The following NLGN1 variants were observed in gnomAD, a reference collection of about 807,000 sequenced individuals.
NLGN1 encodes neuroligin-1.
NLGN1 carries 12 observed loss-of-function variants against 65.5 expected under a neutral mutation model. The observed-to-expected ratio is 0.18, with a 90% CI of 0.12 to 0.30. NLGN1 has a LOEUF of 0.30. NLGN1 is among the 10% of genes least tolerant of loss of function. NLGN1 has a pLI of 1.00. For synonymous variants in NLGN1, 350 were observed against 359.5 expected (o/e 0.97, Z 0.30); for missense variants, 750 against 1,007.1 (o/e 0.74, Z 3.46).
rs545198071 is a variant in NLGN1 at position 173,544,344 on chromosome 3, G to A, written c.-320-59935G>A. Among the ~76,000 whole-genome samples, 138 of 151,542 alleles carry A rather than the reference G, an allele frequency of 9.1e-4. 1 individual carries two copies. The highest frequency in any genetic ancestry group is 3.3e-3 in the African/African-American group (138 of 41,358). On this transcript the variant is annotated intron_variant, in intron 2 of 6. Transcript: ENST00000457714. ...TGGTTTATAGAGAGCAGCAGAGAAA[G>A]CAGAAAGAAGACTATGCATTTATTT...
chr3:173,953,486 A>G (rs1010006522), intron 4 of NLGN1, among the ~76,000 whole-genome samples: 5 of 152,182 alleles, frequency 3.3e-5, no homozygotes, highest in African/African-American at 1.2e-4. Context: ...ATCCTGATTA[A>G]TGGTAGACAG....
exon 7 of NLGN1, chr3:174,281,848 A>C (rs2152896299): frequency 6.5e-6 from 1 of 153,012 alleles, no homozygotes. Flanking sequence ...TGGCAGGTAC[A>C]CCATTATCAC....
At chr3:173,763,043 A>C (rs1459007705) in intron 3 of NLGN1, among the ~76,000 whole-genome samples, 1 of 151,700 alleles carries the variant, frequency 6.6e-6, no homozygotes, top group Non-Finnish European at 1.5e-5. Flanking sequence ...ATGTTCCTAC[A>C]GACTGCACCC....
chr3:174,076,714 AGAGAGAGAGAGT>A lies in NLGN1; in HGVS notation c.647-198599_647-198588del, dbSNP rs1359253607. Among the ~76,000 whole-genome samples, 789 of 135,262 alleles carry A rather than the reference AGAGAGAGAGAGT, an allele frequency of 5.8e-3. 2 individuals carry two copies. The highest frequency in any genetic ancestry group is 6.9e-3 in the Admixed American group (96 of 13,906). 88.7% of individuals were successfully genotyped at this position (135,262 alleles called of 152,430 possible). On this transcript the variant is annotated intron_variant, in intron 4 of 6. Coordinates refer to ENST00000457714, the Ensembl canonical transcript of NLGN1. ...GAGAGAGAGAGAGAGAGAGAGAGAG[AGAGAGAGAGAGT>A]GTGTGTGTGTGTGTGTGTGTGTGTG...
intron 3 of NLGN1, among the ~76,000 whole-genome samples, chr3:173,731,262 A>G (rs1046883296): frequency 6.6e-6 from 1 of 152,114 alleles, no homozygotes; most frequent in African/African-American, 2.4e-5. Context: ...TTGTTAATTA[A>G]ACATGACCAT....
intron 4 of NLGN1, among the ~76,000 whole-genome samples, chr3:173,998,739 C>T (rs1008638015): frequency 6.6e-6 from 1 of 152,148 alleles, no homozygotes; most frequent in Non-Finnish European, 1.5e-5. Flanking sequence ...GAGTCACTCC[C>T]TGTTCTATGA....
intron 4 of NLGN1, among the ~76,000 whole-genome samples, chr3:174,206,684 A>T (rs1417894738): frequency 6.6e-6 from 1 of 152,148 alleles, no homozygotes; most frequent in East Asian, 1.9e-4. Context: ...TTCTTCTTTG[A>T]TGAGAACAGT....
chr3:173,478,531 C>T (rs1333900334), intron 2 of NLGN1, among the ~76,000 whole-genome samples: 1 of 152,116 alleles, frequency 6.6e-6, no homozygotes, highest in Non-Finnish European at 1.5e-5. Context: ...GTACATCCTA[C>T]ACATGTATGC....
chr3:174,195,019 G>A (rs1176463279), intron 4 of NLGN1, among the ~76,000 whole-genome samples: 4 of 152,042 alleles, frequency 2.6e-5, no homozygotes, highest in East Asian at 3.9e-4. Flanking sequence ...GCACCACTAC[G>A]TCTGGCTAAT....
intron 4 of NLGN1, among the ~76,000 whole-genome samples, chr3:173,964,773 C>T (rs1386634198): frequency 6.6e-6 from 1 of 152,078 alleles, no homozygotes; most frequent in African/African-American, 2.4e-5. Flanking sequence ...TTTATGTTCT[C>T]AAATCTAAGT....
At chr3:173,987,521 A>C (rs1435605092) in intron 4 of NLGN1, among the ~76,000 whole-genome samples, 1 of 152,232 alleles carries the variant, frequency 6.6e-6, no homozygotes, top group African/African-American at 2.4e-5. Flanking sequence ...TGTGAAAAAT[A>C]ATAAGGCTTG....
chr3:173,515,666 T>C (rs1371722033), intron 2 of NLGN1, among the ~76,000 whole-genome samples: 1 of 152,140 alleles, frequency 6.6e-6, no homozygotes, highest in East Asian at 1.9e-4. Context: ...TTTTGTGTGA[T>C]AGAAGGGTCC....
intron 4 of NLGN1, among the ~76,000 whole-genome samples, chr3:174,159,587 G>A (rs1434228348): frequency 6.6e-6 from 1 of 151,530 alleles, no homozygotes; most frequent in Non-Finnish European, 1.5e-5. Flanking sequence ...TTCTAAAAGA[G>A]GTGGAGAGAC....
chr3:173,760,542 A>G (rs1053696307), intron 3 of NLGN1, among the ~76,000 whole-genome samples: 2 of 151,952 alleles, frequency 1.3e-5, no homozygotes, highest in African/African-American at 4.8e-5. Flanking sequence ...TATTTATGTA[A>G]TCTCTCAATG....
chr3:174,243,709 C>G (rs1181123640), intron 4 of NLGN1, among the ~76,000 whole-genome samples: 1 of 152,132 alleles, frequency 6.6e-6, no homozygotes, highest in African/African-American at 2.4e-5. Context: ...ATACTTGTTA[C>G]AGAGAGATAA....
rs146988455 is a variant in NLGN1 at position 173,424,854 on chromosome 3, C to G, written c.-389-10156C>G. ...AAACGGTTCCAACCTCTGCCTGTTA[C>G]CCAGTTCCAAAATCACTTCCACATT... is the stretch of plus-strand genomic sequence containing the variant. On this transcript the variant is annotated intron_variant, in intron 1 of 6. Coordinates refer to ENST00000457714, the Ensembl canonical transcript of NLGN1. 8.1e-3 allele frequency among the ~76,000 whole-genome samples: 1,227 copies of G among 152,294 alleles called. 23 individuals carry two copies. The highest frequency in any genetic ancestry group is 0.028 in the African/African-American group (1,149 of 41,548).
At chr3:174,030,477 C>T (rs1014145602) in intron 4 of NLGN1, among the ~76,000 whole-genome samples, 8 of 152,040 alleles carry the variant, frequency 5.3e-5, no homozygotes, top group African/African-American at 1.9e-4. Context: ...GTATCTTGCC[C>T]AAAAATATTT....
intron 4 of NLGN1, among the ~76,000 whole-genome samples, chr3:173,924,755 C>T (rs1175574777): frequency 6.6e-6 from 1 of 151,916 alleles, no homozygotes; most frequent in Non-Finnish European, 1.5e-5. Context: ...TTATGAGAAG[C>T]CATTTAAGTG....
At chr3:173,519,364 A>G (rs951293770) in intron 2 of NLGN1, among the ~76,000 whole-genome samples, 2 of 151,986 alleles carry the variant, frequency 1.3e-5, no homozygotes, top group Non-Finnish European at 2.9e-5. Context: ...TATCCTCCAT[A>G]CTCCAGAATG....
Sources: allele counts gnomAD v4.1 joint callset (sites outside exome capture counted in the v4.1 genomes callset), GRCh38; gene constraint gnomAD v4.1.1; transcripts MANE v1.5; gene names NCBI Gene and HGNC (gene_info 2026-07-23, HGNC 2026-07-21).